The following PKHD1 variants were observed in gnomAD, a reference collection of about 807,000 sequenced individuals.
PKHD1 encodes fibrocystin.
PKHD1 carries 291 observed loss-of-function variants against 412.0 expected under a neutral mutation model. The ratio of observed to expected loss-of-function variants is 0.71; its 90% CI spans 0.64 to 0.78. The LOEUF (loss-of-function observed/expected upper bound fraction) is 0.78, where lower values mean the gene tolerates loss of function less well. Among genes scored for constraint, PKHD1 ranks in the 30% least tolerant of loss-of-function variants. The probability of loss-of-function intolerance (pLI) is 0.00; values close to 1 mark genes in which losing one functional copy is unlikely to be tolerated. For synonymous variants in PKHD1, 1,777 were observed against 1,821.5 expected, an observed-to-expected ratio of 0.98 and a Z score of 0.62; for missense variants, 4,825 against 4,950.7, an observed-to-expected ratio of 0.97 and a Z score of 0.76.
At chr6:51,955,628 TG>T (rs1429424555) in intron 36 of PKHD1, among the ~76,000 whole-genome samples, 2 of 152,082 alleles carry the variant, frequency 1.3e-5, no homozygotes, top group South Asian at 2.1e-4. Flanking sequence ...ATATAAAGGA[TG>T]TAATACCTTC....
intron 35 of PKHD1, among the ~76,000 whole-genome samples, chr6:51,972,478 GAAGATGT>G (rs775310479): frequency 3.3e-5 from 5 of 152,216 alleles, no homozygotes; most frequent in Non-Finnish European, 5.9e-5. Flanking sequence ...GGAAACCCAG[GAAGATGT>G]TTCAGAGGTG....
chr6:52,061,059 A>G (rs376793493), intron 14 of PKHD1, among the ~76,000 whole-genome samples: 67 of 152,324 alleles, frequency 4.4e-4, no homozygotes, highest in African/African-American at 1.6e-3. Context: ...CTCACTCCTT[A>G]ACACTCCCAA....
chr6:51,633,768 A>C (rs1309678033), intron 64 of PKHD1, among the ~76,000 whole-genome samples: 1 of 152,234 alleles, frequency 6.6e-6, no homozygotes, highest in African/African-American at 2.4e-5. Context: ...ATGTGAGAAC[A>C]GATTTTTGGG....
At chr6:52,041,183 C>A (rs528434090) in intron 27 of PKHD1, among the ~76,000 whole-genome samples, 5 of 152,330 alleles carry the variant, frequency 3.3e-5, no homozygotes, top group African/African-American at 1.2e-4. Context: ...GGTGATTTAT[C>A]ACATTATTGT....
At chr6:51,900,280 G>A (rs368240777) in intron 43 of PKHD1, among the ~76,000 whole-genome samples, 2 of 152,252 alleles carry the variant, frequency 1.3e-5, no homozygotes, top group South Asian at 4.2e-4. Context: ...ATACTACAAG[G>A]CTACAGTAAC....
At chr6:51,645,631 T>A (rs1280914247) in intron 63 of PKHD1, among the ~76,000 whole-genome samples, 1 of 152,202 alleles carries the variant, frequency 6.6e-6, no homozygotes, top group East Asian at 1.9e-4. Context: ...TGACCTCAAG[T>A]GATCCAGCCA....
intron 36 of PKHD1, among the ~76,000 whole-genome samples, chr6:51,954,601 T>C (rs560739785): frequency 5.7e-4 from 86 of 152,208 alleles, no homozygotes; most frequent in Middle Eastern, 3.4e-3. Flanking sequence ...TGTCTTCCTT[T>C]TTTATTGTAT....
At chr6:51,926,098 G>A (rs1785568712) in intron 37 of PKHD1, among the ~76,000 whole-genome samples, 1 of 152,016 alleles carries the variant, frequency 6.6e-6, no homozygotes, top group African/African-American at 2.4e-5. Context: ...AATGTTGAAA[G>A]CTAAGGAGAA....
chr6:51,904,033 G>T lies in PKHD1; in HGVS notation c.6818C>A (p.Thr2273Lys). 1 of 1,591,746 alleles carries T rather than the reference G, an allele frequency of 6.3e-7. No homozygotes were observed. Among genetic ancestry groups the T allele is most frequent in the Non-Finnish European group, 8.6e-7 (1 of 1,160,334 alleles). ...LGHALLVGTC[T>K]EMRYISWEAI... ...CTCCCAGGAGATATATCTCATCTCC[G>T]TGCATGTCCCTGAGAACAAAAGACC... is the stretch of plus-strand genomic sequence containing the variant. The change falls in exon 42 of 67, where the codon ACG (threonine) becomes AAG (lysine). Residue 2273 changes from threonine (T) to lysine (K), a missense_variant. By Grantham distance (78) the Thr-to-Lys change is moderately conservative. Transcript: ENST00000371117.
At chr6:51,963,094 C>T (rs541842910) in intron 35 of PKHD1, among the ~76,000 whole-genome samples, 1 of 152,168 alleles carries the variant, frequency 6.6e-6, no homozygotes, top group African/African-American at 2.4e-5. Context: ...CTTCCTAATG[C>T]AATAGGTGAA....
At chr6:51,655,751 G>A (rs1033316113) in intron 61 of PKHD1, among the ~76,000 whole-genome samples, 3 of 152,028 alleles carry the variant, frequency 2.0e-5, no homozygotes, top group Non-Finnish European at 4.4e-5. Context: ...CATTTCCTAT[G>A]ACTACAGAAT....
chr6:51,750,214 G>C (rs1406929290), intron 57 of PKHD1, among the ~76,000 whole-genome samples: 4 of 152,052 alleles, frequency 2.6e-5, no homozygotes, highest in African/African-American at 9.7e-5. Flanking sequence ...TTCTCAATGG[G>C]TGCTATTGAG....
At chr6:52,076,947 T>C (rs1582127105) in intron 5 of PKHD1, among the ~76,000 whole-genome samples, 1 of 152,094 alleles carries the variant, frequency 6.6e-6, no homozygotes, top group East Asian at 1.9e-4. Flanking sequence ...ACATTGTTCT[T>C]CAAGGAGGAG....
Position 52,009,935 on chromosome 6 carries a change from C to T in PKHD1, c.5751+374G>A, listed in dbSNP as rs567694699. Among the ~76,000 whole-genome samples, 12 of 151,962 alleles carry T rather than the reference C, an allele frequency of 7.9e-5. No individual in the cohort carries two copies. In the East Asian group the frequency reaches 1.8e-3, roughly 22 times the overall value. On this transcript the variant is annotated intron_variant, in intron 35 of 66. Coordinates refer to ENST00000371117, the MANE Select transcript of PKHD1 (RefSeq NM_138694.4). ...CATTGCTGTCCCGCCAAGCTGAGGA[C>T]GGCTGAGTGATTTGGAAGCCTTCCA...
intron 60 of PKHD1, among the ~76,000 whole-genome samples, chr6:51,722,218 T>C (rs936314860): frequency 6.6e-6 from 1 of 152,162 alleles, no homozygotes; most frequent in Non-Finnish European, 1.5e-5. Flanking sequence ...TCCCACTAAC[T>C]TGGAGCTCTC....
chr6:52,054,162 A>C lies in PKHD1; in HGVS notation c.1840T>G (p.Cys614Gly). The C allele has an allele frequency of 3.7e-6, 6 of 1,613,886 alleles. No individual in the cohort carries two copies. The highest frequency in any genetic ancestry group is 5.1e-6 in the Non-Finnish European group (6 of 1,179,762). ...TTCATGTGGCCTTTGTATGCAAGAC[A>C]CAGCTATGGACACCAAATAAGTCCT... ...GYRLDQYTHL[C>G]LAYKGHMNKI... Residue 614 changes from cysteine (C) to glycine (G), a missense_variant, in exon 20 of 67, where the codon TGT (cysteine) becomes GGT (glycine). By Grantham distance (159) the Cys-to-Gly change is radical. Transcript: ENST00000371117.
rs1458152386 is a variant in PKHD1, at chr6:52,017,613, C to T, written c.5397G>A (p.Leu1799=). The change falls in exon 34 of 67, where the codon CTG becomes CTA. Residue 1799 remains leucine (L), a synonymous_variant. Transcript: ENST00000371117. ...VLPLDVSLAF[L]CGLKREEDSC... ...TGTCCTCCTCACGCTTCAGGCCACA[C>T]AGGAAGGCCAAGGACACTGCAGGAA... 3.7e-6 allele frequency: 6 copies of T among 1,613,390 alleles called. No individual in the cohort carries two copies. Among genetic ancestry groups the T allele is most frequent in the African/African-American group, 1.3e-5 (1 of 74,920 alleles).
At chr6:51,893,330 T>C (rs1419034748) in intron 43 of PKHD1, among the ~76,000 whole-genome samples, 3 of 152,230 alleles carry the variant, frequency 2.0e-5, no homozygotes, top group African/African-American at 7.2e-5. Context: ...AATAAATGGG[T>C]TTGTTGAATC....
At chr6:51,624,303 T>C (rs941715923) in intron 66 of PKHD1, among the ~76,000 whole-genome samples, 2 of 152,238 alleles carry the variant, frequency 1.3e-5, no homozygotes, top group Admixed American at 1.3e-4. Flanking sequence ...ATTTTATCCA[T>C]GTTTTAAAAT....
Sources: gnomAD v4.1 joint callset for allele counts (sites outside exome capture counted in the v4.1 genomes callset) on GRCh38, gnomAD v4.1.1 for gene constraint, MANE v1.5 for transcripts, NCBI Gene and HGNC (gene_info 2026-07-23, HGNC 2026-07-21) for gene names.